The following NPNT variants were observed in gnomAD, a reference collection of about 807,000 sequenced individuals.
NPNT encodes preosteoblast EGF-like repeat protein with MAM domain.
A neutral mutation model predicts 68.6 loss-of-function variants in NPNT; 45 were observed. The ratio of observed to expected loss-of-function variants is 0.66; its 90% CI spans 0.52 to 0.84. NPNT has a LOEUF of 0.84. Ranked by LOEUF, NPNT falls within the 40% of genes least tolerant of loss-of-function variation. The pLI is 0.00. For missense variants in NPNT, 672 were observed against 714.8 expected (o/e 0.94, Z 0.68); for synonymous variants, 233 against 253.3 (o/e 0.92, Z 0.76).
chr4:105,950,966 T>C (rs1038460833), intron 8 of NPNT, among the ~76,000 whole-genome samples: 14 of 152,152 alleles, frequency 9.2e-5, no homozygotes, highest in African/African-American at 3.4e-4. Context: ...GGGGATCTCG[T>C]TAAATTGAAG....
intron 8 of NPNT, among the ~76,000 whole-genome samples, chr4:105,955,609 GAAA>G (rs966942830): frequency 6.8e-6 from 1 of 147,624 alleles, no homozygotes; most frequent in Non-Finnish European, 1.5e-5. Context: ...CAATACAAAT[GAAA>G]AAAAAAATTT....
At chr4:105,940,347 C>A in intron 6 of NPNT, 138 bp downstream of exon 6, 2 of 1,035,042 alleles carry the variant, frequency 1.9e-6, no homozygotes, top group East Asian at 2.4e-5. Context: ...CCAGTTTAAC[C>A]ACTGGTAGTT....
intron 2 of NPNT, among the ~76,000 whole-genome samples, chr4:105,905,370 G>A (rs749788295): frequency 7.2e-5 from 11 of 152,194 alleles, no homozygotes; most frequent in Non-Finnish European, 1.3e-4. Context: ...AGCAGTGAAG[G>A]TAAGTATTTC....
intron 2 of NPNT, among the ~76,000 whole-genome samples, chr4:105,907,038 A>C (rs1726957312): frequency 6.6e-6 from 1 of 152,204 alleles, no homozygotes; most frequent in South Asian, 2.1e-4. Flanking sequence ...CCTGATTGCT[A>C]TAGGTGTTCC....
rs6817700 is a variant in NPNT, at chr4:105,970,374, A to C, written c.*1384A>C. 1.4e-6 allele frequency: 1 copy of C among 697,258 alleles called. No individual in the cohort carries two copies. Among genetic ancestry groups the C allele is most frequent in the South Asian group, 1.5e-5 (1 of 66,562 alleles). 43.2% of individuals were successfully genotyped at this position (697,258 alleles called of 1,614,324 possible). A position where few individuals can be genotyped will look rare whatever the true frequency, so the allele number is the denominator to read the frequency against. On this transcript the variant is annotated 3_prime_UTR_variant, in exon 12 of 12. Transcript: ENST00000379987. Reference sequence around the variant, plus strand: ...TTAAGTAATCAGAATATTTTCTGCTATTTTTGCCAGGAATCACAAAGATGA... The same window carrying C: ...TTAAGTAATCAGAATATTTTCTGCTCTTTTTGCCAGGAATCACAAAGATGA...
chr4:105,953,507 T>G (rs1199665223), intron 8 of NPNT, among the ~76,000 whole-genome samples: 2 of 152,192 alleles, frequency 1.3e-5, no homozygotes, highest in Non-Finnish European at 2.9e-5. Context: ...GTTAAAGAAA[T>G]TTCAGAAACT....
At chr4:105,944,752 C>G (rs1340665534) in intron 8 of NPNT, among the ~76,000 whole-genome samples, 1 of 152,250 alleles carries the variant, frequency 6.6e-6, no homozygotes, top group African/African-American at 2.4e-5. Context: ...AAATTCCACT[C>G]TCATTTCATC....
chr4:105,895,776 C>CA (rs1332164263), intron 1 of NPNT, 53 bp downstream of exon 1: 1 of 1,445,312 alleles, frequency 6.9e-7, no homozygotes, highest in Non-Finnish European at 9.5e-7. Context: ...ATTTCACACT[C>CA]ACTGTCTTGG....
At chr4:105,928,577 C>T (rs891888566) in intron 3 of NPNT, among the ~76,000 whole-genome samples, 1 of 142,592 alleles carries the variant, frequency 7.0e-6, no homozygotes, top group Non-Finnish European at 1.5e-5. Context: ...TGCACCATTG[C>T]ACTCCAGCCT....
chr4:105,953,833 A>G (rs1731015112), intron 8 of NPNT, among the ~76,000 whole-genome samples: 1 of 152,226 alleles, frequency 6.6e-6, no homozygotes, highest in African/African-American at 2.4e-5. Context: ...AAATGCCAGA[A>G]CTGGCCTGGG....
At chr4:105,922,578 A>T (rs540954647) in intron 2 of NPNT, among the ~76,000 whole-genome samples, 90 of 151,770 alleles carry the variant, frequency 5.9e-4, no homozygotes, top group Admixed American at 1.6e-3. Context: ...GGGTTTTACC[A>T]TGTTGGCCAG....
intron 1 of NPNT, 125 bp downstream of exon 1, chr4:105,895,848 C>T: frequency 1.2e-6 from 1 of 822,882 alleles, no homozygotes; most frequent in South Asian, 1.6e-5. Context: ...GAAGTTGGGC[C>T]ACCGCACAGC....
chr4:105,942,431 T>C lies in NPNT; in HGVS notation c.888T>C (p.Pro296=). ...WIPDVGSTWW[P]PKTPYIPPII... is the part of the protein sequence containing the mutation. The stretch of plus-strand genomic sequence containing the variant: ...CTGATGTTGGAAGTACTTGGTGGCC[T>C]CCGAAGACACCATATATTCCTCCTA... The change falls in exon 8 of 12, where the codon CCT becomes CCC. Residue 296 remains proline, a synonymous_variant. Transcript: ENST00000379987. 6.2e-7 allele frequency: 1 copy of C among 1,613,858 alleles called. No homozygotes were observed. The highest frequency in any genetic ancestry group is 8.5e-7 in the Non-Finnish European group (1 of 1,179,910).
In NPNT at chr4:105,927,322, T is replaced by C; in HGVS notation, c.173-14T>C. On this transcript the variant is annotated splice_polypyrimidine_tract_variant and intron_variant, in intron 2 of 11. Transcript: ENST00000379987. ...GTTGACCTAGAAATAATGCATGCCA[T>C]CTTCTTTTCACAGCTGTGTGCCAAC... The C allele has an allele frequency of 1.3e-6, 2 of 1,575,220 alleles. No individual in the cohort carries two copies. Among genetic ancestry groups the C allele is most frequent in the Non-Finnish European group, 1.7e-6 (2 of 1,146,184 alleles).
Position 105,965,712 on chromosome 4 carries a change from G to A in NPNT, c.1346-1476G>A, listed in dbSNP as rs528113629. ...ATATTGTTTGGATTAGTTTGTGGAGGAAGGGGACAAGGGAAGTGGGAGAAA... is the reference window on the plus strand; with the variant it reads ...ATATTGTTTGGATTAGTTTGTGGAGAAAGGGGACAAGGGAAGTGGGAGAAA... On this transcript the variant is annotated intron_variant, in intron 10 of 11. Coordinates refer to ENST00000379987, the MANE Select transcript of NPNT (RefSeq NM_001033047.3). Among the ~76,000 whole-genome samples the A allele has an allele frequency of 3.3e-5, 5 of 152,310 alleles. No individual in the cohort carries two copies. In the South Asian group the frequency reaches 1.0e-3, roughly 32 times the overall value.
rs1732401198 is a variant in NPNT at position 105,969,190 on chromosome 4, G to C, written c.*200G>C. The C allele has an allele frequency of 4.3e-6, 2 of 466,942 alleles. No homozygotes were observed. Among genetic ancestry groups the C allele is most frequent in the East Asian group, 6.4e-5 (2 of 31,076 alleles). The allele number at this position is 466,942 out of a possible 1,614,324, so 28.9% of individuals were successfully genotyped here. On this transcript the variant is annotated 3_prime_UTR_variant, in exon 12 of 12. Transcript: ENST00000379987. The stretch of plus-strand genomic sequence containing the variant: ...ACAGTGATACCCTCCTTGAAATACA[G>C]GGGCATCGCAGACACATCAAAGCCA...
At chr4:105,923,938 G>A (rs1412023551) in intron 2 of NPNT, among the ~76,000 whole-genome samples, 1 of 152,050 alleles carries the variant, frequency 6.6e-6, no homozygotes, top group East Asian at 1.9e-4. Context: ...TTTGTGATCT[G>A]TGTCAGCCTT....
At chr4:105,961,097 C>T (rs2149405069) in intron 10 of NPNT, among the ~76,000 whole-genome samples, 1 of 152,242 alleles carries the variant, frequency 6.6e-6, no homozygotes, top group Non-Finnish European at 1.5e-5. Context: ...GAAATATTGA[C>T]ACCCAGAGAA....
rs1732498465 is a variant in NPNT, at chr4:105,970,617, G to A, written c.*1627G>A. 1 of 656,100 alleles carries A rather than the reference G, an allele frequency of 1.5e-6. No individual in the cohort carries two copies. Among genetic ancestry groups the A allele is most frequent in the Non-Finnish European group, 2.8e-6 (1 of 355,934 alleles). 40.6% of individuals were successfully genotyped at this position (656,100 alleles called of 1,614,324 possible). On this transcript the variant is annotated 3_prime_UTR_variant, in exon 12 of 12. Coordinates refer to ENST00000379987, the MANE Select transcript of NPNT (RefSeq NM_001033047.3). ...AGTATAAGGGAGCATTTCTTGGCAG[G>A]GGCCATTGTTAGAATACTTCATAAA...
Sources: allele counts gnomAD v4.1 joint callset (sites outside exome capture counted in the v4.1 genomes callset), GRCh38; gene constraint gnomAD v4.1.1; transcripts MANE v1.5; gene names NCBI Gene and HGNC (gene_info 2026-07-23, HGNC 2026-07-21).